Variants in MDGA2 observed in about 807,000 individuals in gnomAD.
The protein encoded by MDGA2 is MAM domain containing glycosylphosphatidylinositol anchor 2.
Under a neutral mutation model 117.8 loss-of-function variants are expected in MDGA2, and 40 were observed. The ratio of observed to expected loss-of-function variants is 0.34; its 90% CI spans 0.26 to 0.44. The LOEUF (loss-of-function observed/expected upper bound fraction) is 0.44. MDGA2 is among the 20% of genes least tolerant of loss of function. MDGA2 has a pLI of 1.00. For synonymous variants in MDGA2, 452 were observed against 439.0 expected (o/e 1.03, Z -0.37); for missense variants, 1,123 against 1,250.6 (o/e 0.90, Z 1.54).
rs970168131 is a variant in MDGA2, at chr14:47,459,215, C to T, written c.281-157665G>A. Among the ~76,000 whole-genome samples the T allele has an allele frequency of 3.3e-5, 5 of 151,860 alleles. No homozygotes were observed. In the East Asian group the frequency reaches 9.7e-4, roughly 29 times the overall value. ...TTACTGATGATGGGTGAAAGGAAAA[C>T]GACTCTTACTTTCTCAAGAAGGATT... On this transcript the variant is annotated intron_variant, in intron 1 of 16. Transcript: ENST00000399232.
chr14:47,001,945 C>T (rs1887544903), intron 8 of MDGA2, among the ~76,000 whole-genome samples: 1 of 151,944 alleles, frequency 6.6e-6, no homozygotes, highest in Admixed American at 6.6e-5. Flanking sequence ...CAAAATGTTG[C>T]TAAGCTATGA....
At chr14:47,567,011 C>A (rs1190848770) in intron 1 of MDGA2, among the ~76,000 whole-genome samples, 1 of 151,672 alleles carries the variant, frequency 6.6e-6, no homozygotes, top group Non-Finnish European at 1.5e-5. Flanking sequence ...TGGAAGTGAT[C>A]TTCCTGCCTC....
chr14:47,184,557 A>G (rs1362894694), intron 3 of MDGA2, among the ~76,000 whole-genome samples: 1 of 151,904 alleles, frequency 6.6e-6, no homozygotes, highest in Non-Finnish European at 1.5e-5. Context: ...AAGACTAGCA[A>G]CATTTGCATT....
chr14:47,385,694 A>T (rs1212551961), intron 1 of MDGA2, among the ~76,000 whole-genome samples: 1 of 152,118 alleles, frequency 6.6e-6, no homozygotes, highest in Non-Finnish European at 1.5e-5. Flanking sequence ...TTTCTTTCTA[A>T]ATGTCAGGAG....
At chr14:47,262,858 C>T (rs1300587957) in intron 2 of MDGA2, among the ~76,000 whole-genome samples, 1 of 152,086 alleles carries the variant, frequency 6.6e-6, no homozygotes, top group South Asian at 2.1e-4. Flanking sequence ...GCTTTCTTTA[C>T]AGCTTTCTAA....
chr14:47,150,673 T>C (rs1388442831), intron 3 of MDGA2, among the ~76,000 whole-genome samples: 2 of 151,998 alleles, frequency 1.3e-5, no homozygotes, highest in African/African-American at 4.8e-5. Flanking sequence ...CCTGTAATCC[T>C]AGCACTTTGG....
At chr14:47,612,584 A>G (rs1896871793) in intron 1 of MDGA2, among the ~76,000 whole-genome samples, 1 of 152,128 alleles carries the variant, frequency 6.6e-6, no homozygotes, top group South Asian at 2.1e-4. Flanking sequence ...AACTTCTCAA[A>G]CAGCATTTAT....
intron 1 of MDGA2, among the ~76,000 whole-genome samples, chr14:47,402,694 C>T (rs928924808): frequency 2.0e-5 from 3 of 151,964 alleles, no homozygotes; most frequent in African/African-American, 7.3e-5. Flanking sequence ...ATGTAGTTTA[C>T]AAAATATCAT....
At chr14:47,023,351 G>A (rs1888363283) in intron 8 of MDGA2, among the ~76,000 whole-genome samples, 1 of 152,220 alleles carries the variant, frequency 6.6e-6, no homozygotes, top group African/African-American at 2.4e-5. Flanking sequence ...AAAAGCGCTG[G>A]AATGGAAAAG....
chr14:47,505,129 C>A (rs1308334553), intron 1 of MDGA2, among the ~76,000 whole-genome samples: 1 of 151,994 alleles, frequency 6.6e-6, no homozygotes, highest in Non-Finnish European at 1.5e-5. Flanking sequence ...CATAATCTCA[C>A]TCATATGTGG....
rs1039904200 is a variant in MDGA2, at chr14:47,381,328, C to G, written c.281-79778G>C. On this transcript the variant is annotated intron_variant, in intron 1 of 16. Coordinates refer to ENST00000399232, the MANE Select transcript of MDGA2 (RefSeq NM_001113498.3). ...GACAGGGATGCCCTCTCTCACCACT[C>G]CTATTCAACATAGCGTTGGAAGTTC... Among the ~76,000 whole-genome samples the G allele has an allele frequency of 6.0e-4, 91 of 152,264 alleles. 1 individual carries two copies. The highest frequency in any genetic ancestry group is 1.9e-3 in the African/African-American group (79 of 41,552).
chr14:47,144,167 G>A lies in MDGA2; in HGVS notation c.703C>T (p.Pro235Ser). 1 of 1,551,396 alleles carries A rather than the reference G, an allele frequency of 6.4e-7. No individual in the cohort carries two copies. Among genetic ancestry groups the A allele is most frequent in the Non-Finnish European group, 8.7e-7 (1 of 1,146,808 alleles). ...FLRCVANSNPPVRYSWRRGQE... is the reference protein window; with the variant it reads ...FLRCVANSNPSVRYSWRRGQE... ...CCACGTCTCCAGCTATACCGAACAG[G>A]AGGATTGGAATTGGCAACACACCGG... The change falls in exon 4 of 17, where the codon CCT becomes TCT. Residue 235 changes from proline to serine, a missense_variant. This residue lies in a region of MDGA2 where 890 missense variants were observed against 1,050.3 expected (regional missense o/e 0.85). Transcript: ENST00000399232.
intron 1 of MDGA2, among the ~76,000 whole-genome samples, chr14:47,600,648 A>T (rs1316319531): frequency 6.6e-6 from 1 of 151,640 alleles, no homozygotes; most frequent in Non-Finnish European, 1.5e-5. Flanking sequence ...GAGGATGCTT[A>T]TGTTTCACAA....
chr14:46,974,162 A>C (rs1181180880), intron 8 of MDGA2, among the ~76,000 whole-genome samples: 2 of 152,168 alleles, frequency 1.3e-5, no homozygotes, highest in Non-Finnish European at 2.9e-5. Context: ...CTTAGGAGTT[A>C]ATTTAACCAA....
chr14:47,104,325 T>C (rs925115533), intron 5 of MDGA2, among the ~76,000 whole-genome samples: 1 of 150,722 alleles, frequency 6.6e-6, no homozygotes, highest in African/African-American at 2.5e-5. Flanking sequence ...ACTGATGACA[T>C]TCCACCACAA....
At chr14:47,420,072 G>A in intron 1 of MDGA2, among the ~76,000 whole-genome samples, 1 of 152,114 alleles carries the variant, frequency 6.6e-6, no homozygotes, top group South Asian at 2.1e-4. Context: ...GTGGGGTTTG[G>A]ATGGAAGGAA....
At chr14:47,023,198 T>TAAAAAAAAAAAAAAAAGAAA (rs1888352254) in intron 8 of MDGA2, among the ~76,000 whole-genome samples, 1 of 102,854 alleles carries the variant, frequency 9.7e-6, no homozygotes, top group African/African-American at 3.9e-5. Flanking sequence ...TTCCCACTCG[T>TAAAAAAAAAAAAAAAAGAAA]AAAAAAAAAA....
At chr14:47,594,257 G>T (rs1396890188) in intron 1 of MDGA2, among the ~76,000 whole-genome samples, 1 of 152,146 alleles carries the variant, frequency 6.6e-6, no homozygotes, top group African/African-American at 2.4e-5. Flanking sequence ...GACCCAGTTT[G>T]TTAGAACATG....
chr14:46,966,319 T>C (rs961822760), intron 8 of MDGA2, among the ~76,000 whole-genome samples: 2 of 152,188 alleles, frequency 1.3e-5, no homozygotes, highest in Admixed American at 6.5e-5. Context: ...TATGTCACAT[T>C]ATTTCCAATT....
Sources: allele counts gnomAD v4.1 joint callset (sites outside exome capture counted in the v4.1 genomes callset), GRCh38; gene constraint gnomAD v4.1.1; regional missense constraint gnomAD v4.1.1; transcripts MANE v1.5; gene names NCBI Gene and HGNC (gene_info 2026-07-23, HGNC 2026-07-21).